PGPEP1: variants seen among roughly 807,000 people sequenced by gnomAD.
PGPEP1 encodes the protein pyroglutamyl-peptidase 1.
A neutral mutation model predicts 24.1 loss-of-function variants in PGPEP1; 15 were observed. The observed-to-expected ratio is 0.62, with a 90% CI of 0.42 to 0.96. PGPEP1 has a LOEUF of 0.96. Ranked by LOEUF, PGPEP1 falls within the 40% of genes least tolerant of loss-of-function variation. PGPEP1 has a pLI of 0.00. For missense variants in PGPEP1, 242 were observed against 273.4 expected (o/e 0.89, Z 0.81); for synonymous variants, 122 against 116.4 (o/e 1.05, Z -0.31).
rs1437659110 is a variant in PGPEP1, at chr19:18,368,104, G to A, written c.*4521G>A. ...GCCATGATTACACTACTGTACCCCA[G>A]CCTGGGCAACAGAGCAAGACCCTGC... On this transcript the variant is annotated 3_prime_UTR_variant, in exon 5 of 5. Coordinates refer to ENST00000269919, the MANE Select transcript of PGPEP1 (RefSeq NM_017712.4). 2 of 151,788 alleles carry A rather than the reference G, an allele frequency of 1.3e-5. No homozygotes were observed. The highest frequency in any genetic ancestry group is 2.9e-5 in the Non-Finnish European group (2 of 68,018). 9.4% of individuals were successfully genotyped at this position (151,788 alleles called of 1,614,324 possible). A position where few individuals can be genotyped will look rare whatever the true frequency, so the allele number is the denominator to read the frequency against.
intron 4 of PGPEP1, among the ~76,000 whole-genome samples, chr19:18,358,745 G>A (rs185875409): frequency 6.6e-6 from 1 of 151,844 alleles, no homozygotes; most frequent in Non-Finnish European, 1.5e-5. Context: ...CTACCAAGTA[G>A]CTGGGATTAC....
intron 4 of PGPEP1, among the ~76,000 whole-genome samples, chr19:18,360,792 T>C (rs1376907078): frequency 6.6e-6 from 1 of 152,058 alleles, no homozygotes; most frequent in Non-Finnish European, 1.5e-5. Context: ...CCCAAAGTGC[T>C]GGGATTACAG....
At position 18,368,081 on chromosome 19, in the gene PGPEP1, C is replaced by T. The variant is rs921123414; in HGVS notation, c.*4498C>T. On this transcript the variant is annotated 3_prime_UTR_variant, in exon 5 of 5. Coordinates refer to ENST00000269919, the MANE Select transcript of PGPEP1 (RefSeq NM_017712.4). Reference sequence around the variant, plus strand: ...CCAGGAGGTGAAGGCTGCAATGAGCCATGATTACACTACTGTACCCCAGCC... The same window carrying T: ...CCAGGAGGTGAAGGCTGCAATGAGCTATGATTACACTACTGTACCCCAGCC... 1 of 151,386 alleles carries T rather than the reference C, an allele frequency of 6.6e-6. No individual in the cohort carries two copies. Among genetic ancestry groups the T allele is most frequent in the African/African-American group, 2.4e-5 (1 of 41,138 alleles). 9.4% of individuals were successfully genotyped at this position (151,386 alleles called of 1,614,324 possible).
chr19:18,342,521 A>G (rs1242518773), intron 1 of PGPEP1, among the ~76,000 whole-genome samples: 6 of 152,172 alleles, frequency 3.9e-5, no homozygotes. Flanking sequence ...CAGTGACACA[A>G]TAATTGTAGG....
chr19:18,355,800 T>C (rs940718323), intron 2 of PGPEP1, 95 bp from the exon 3 acceptor site: 18 of 769,548 alleles, frequency 2.3e-5, no homozygotes, highest in Non-Finnish European at 4.0e-5. Context: ...GCAGAATGAG[T>C]CTGGAGAACG....
At chr19:18,340,845 G>A (rs1970651964) in intron 1 of PGPEP1, 130 bp downstream of exon 1, 5 of 667,492 alleles carry the variant, frequency 7.5e-6, no homozygotes, top group Non-Finnish European at 1.1e-5. Context: ...TCACCCGCGG[G>A]AGCCCCGCGC....
rs59936417 is a variant in PGPEP1, at chr19:18,347,270, C to CTT, written c.87+4376_87+4377dup. On this transcript the variant is annotated intron_variant, in intron 2 of 4. Transcript: ENST00000269919. ...CTAATTTTTTTTTCTTTCTTTCTTTCTTTTTTTTTTTTTTTTTTGTAGAGA... is the reference window on the plus strand; with the variant it reads ...CTAATTTTTTTTTCTTTCTTTCTTTCTTTTTTTTTTTTTTTTTTTTGTAGAGA... Among the ~76,000 whole-genome samples the CTT allele has an allele frequency of 1.2e-4, 11 of 94,408 alleles. 1 individual carries two copies. Among genetic ancestry groups the CTT allele is most frequent in the African/African-American group, 3.2e-4 (8 of 24,756 alleles). 61.9% of individuals were successfully genotyped at this position (94,408 alleles called of 152,430 possible). A position where few individuals can be genotyped will look rare whatever the true frequency, so the allele number is the denominator to read the frequency against.
At position 18,368,438 on chromosome 19, in the gene PGPEP1, C is replaced by CAA. The variant is rs59054174; in HGVS notation, c.*4872_*4873dup. The CAA allele has an allele frequency of 7.9e-4, 92 of 116,950 alleles. No homozygotes were observed. Among genetic ancestry groups the CAA allele is most frequent in the African/African-American group, 1.8e-3 (55 of 29,758 alleles). The allele number at this position is 116,950 out of a possible 1,614,324, so 7.2% of individuals were successfully genotyped here. A position where few individuals can be genotyped will look rare whatever the true frequency, so the allele number is the denominator to read the frequency against. On this transcript the variant is annotated 3_prime_UTR_variant, in exon 5 of 5. Transcript: ENST00000269919. ...TGGGCAACATAGCAAGACTCTGTCA[C>CAA]AAAAAAAAAAAAAAAAAAGAATTCC...
intron 2 of PGPEP1, among the ~76,000 whole-genome samples, chr19:18,345,491 A>G (rs1970804916): frequency 6.6e-6 from 1 of 151,698 alleles, no homozygotes; most frequent in Non-Finnish European, 1.5e-5. Context: ...TTGTAATCCC[A>G]GCACTTTGGG....
intron 2 of PGPEP1, among the ~76,000 whole-genome samples, chr19:18,352,266 C>CAAAAAAAAAAAAAAAAA (rs60299417): frequency 2.7e-4 from 12 of 43,648 alleles, no homozygotes; most frequent in East Asian, 1.2e-3. Context: ...GACTCCGTCT[C>CAAAAAAAAAAAAAAAAA]AAAAAAAAAA....
At chr19:18,353,079 G>A (rs1245224686) in intron 2 of PGPEP1, among the ~76,000 whole-genome samples, 1 of 151,646 alleles carries the variant, frequency 6.6e-6, no homozygotes, top group African/African-American at 2.4e-5. Context: ...CACCATGCCC[G>A]GCTAATTTTT....
intron 4 of PGPEP1, among the ~76,000 whole-genome samples, chr19:18,362,512 G>T (rs567584210): frequency 6.6e-6 from 1 of 152,170 alleles, no homozygotes; most frequent in Non-Finnish European, 1.5e-5. Flanking sequence ...GATCACTACA[G>T]GTCAGGAGTT....
chr19:18,363,261 G>T, intron 4 of PGPEP1, 130 bp from the exon 5 acceptor site: 1 of 664,612 alleles, frequency 1.5e-6, no homozygotes, highest in Non-Finnish European at 2.5e-6. Context: ...GGAGGAGAGT[G>T]TTGTTCCATC....
rs199580670 is a variant in PGPEP1 at position 18,364,937 on chromosome 19, TGGCGCGGGGGGCTCAAAACGGG to T, written c.*1365_*1386del. On this transcript the variant is annotated 3_prime_UTR_variant, in exon 5 of 5. Transcript: ENST00000269919. ...GAGTTTGTTGTTCTCCTTAGCGGGG[TGGCGCGGGGGGCTCAAAACGGG>T]GGCGCGGGGGCTGGAGTTGGCAGAG... 0.21 allele frequency: 29,697 copies of T among 141,402 alleles called. 3,667 individuals carry two copies. Among genetic ancestry groups the T allele is most frequent in the Non-Finnish European group, 0.27 (17,898 of 65,808 alleles). 8.8% of individuals were successfully genotyped at this position (141,402 alleles called of 1,614,324 possible). A position where few individuals can be genotyped will look rare whatever the true frequency, so the allele number is the denominator to read the frequency against.
At chr19:18,351,179 C>G (rs893496404) in intron 2 of PGPEP1, among the ~76,000 whole-genome samples, 3 of 151,662 alleles carry the variant, frequency 2.0e-5, no homozygotes, top group African/African-American at 7.3e-5. Context: ...GCAGGAGAAT[C>G]ACTTGAACCC....
chr19:18,361,348 A>T (rs1347639434), intron 4 of PGPEP1, among the ~76,000 whole-genome samples: 3 of 151,988 alleles, frequency 2.0e-5, no homozygotes, highest in Non-Finnish European at 4.4e-5. Flanking sequence ...CATGTTGGCC[A>T]GGCTGGTCTT....
intron 3 of PGPEP1, among the ~76,000 whole-genome samples, chr19:18,356,513 G>A (rs532213192): frequency 2.6e-5 from 4 of 152,206 alleles, no homozygotes; most frequent in Non-Finnish European, 4.4e-5. Flanking sequence ...TTGGAAGGCC[G>A]AGGCAGGAGG....
intron 1 of PGPEP1, among the ~76,000 whole-genome samples, chr19:18,341,680 T>C (rs993380784): frequency 1.3e-5 from 2 of 152,146 alleles, no homozygotes; most frequent in African/African-American, 4.8e-5. Flanking sequence ...TCCAGCACTT[T>C]TTGCATGAGC....
At chr19:18,359,176 C>T (rs979642153) in intron 4 of PGPEP1, among the ~76,000 whole-genome samples, 7 of 151,882 alleles carry the variant, frequency 4.6e-5, no homozygotes, top group Non-Finnish European at 7.4e-5. Flanking sequence ...GCTTGGAGTT[C>T]AAGGCTGCAG....
Sources: allele counts gnomAD v4.1 joint callset (sites outside exome capture counted in the v4.1 genomes callset), GRCh38; gene constraint gnomAD v4.1.1; transcripts MANE v1.5; gene names NCBI Gene and HGNC (gene_info 2026-07-23, HGNC 2026-07-21).